SULT4A1: variants seen among roughly 807,000 people sequenced by gnomAD.
SULT4A1 encodes the protein sulfotransferase family 4A member 1, also known as sulfotransferase 4A1.
In SULT4A1, 11 loss-of-function variants were observed where a neutral mutation model predicts 35.2. That is an observed-to-expected ratio of 0.31 (90% CI 0.20 to 0.52). SULT4A1 has a LOEUF of 0.52. Ranked by LOEUF, SULT4A1 falls within the 20% of genes least tolerant of loss-of-function variation. SULT4A1 has a pLI of 0.97. For synonymous variants in SULT4A1, 152 were observed against 151.8 expected (o/e 1.00, Z -0.01); for missense variants, 271 against 383.7 (o/e 0.71, Z 2.45).
In SULT4A1 at chr22:43,826,368, C is replaced by T. The variant is rs999758491; in HGVS notation, c.743-255G>A. ...GCTGTGGCACAGTGAGCCACAACCA[C>T]CTCCTGGTGCCATTCCACACCCCCC... On this transcript the variant is annotated intron_variant, in intron 6 of 6. Coordinates refer to ENST00000330884, the MANE Select transcript of SULT4A1 (RefSeq NM_014351.4). 4 of 985,302 alleles carry T rather than the reference C, an allele frequency of 4.1e-6. No individual in the cohort carries two copies. In the Admixed American group the frequency reaches 1.8e-4, roughly 45 times the overall value. 61.0% of individuals were successfully genotyped at this position (985,302 alleles called of 1,614,324 possible).
intron 1 of SULT4A1, among the ~76,000 whole-genome samples, chr22:43,846,233 G>A (rs569456521): frequency 2.1e-3 from 320 of 152,256 alleles, no homozygotes; most frequent in Admixed American, 4.1e-3. Context: ...TCCTCCCTGC[G>A]CCTGCTCAGA....
chr22:43,839,538 G>A (rs917566961), intron 3 of SULT4A1, among the ~76,000 whole-genome samples: 2 of 152,098 alleles, frequency 1.3e-5, no homozygotes, highest in African/African-American at 4.8e-5. Flanking sequence ...AGGTTGCAGT[G>A]AGCCATGCCA....
At position 43,858,479 on chromosome 22, in the gene SULT4A1, G is replaced by A. The variant is rs148504005; in HGVS notation, c.169+3735C>T. The stretch of plus-strand genomic sequence containing the variant: ...AACAGCCGGAAGACAAAGGGGAAGG[G>A]ATGAGGGAGCAAGAGGAGAAAGATG... On this transcript the variant is annotated intron_variant, in intron 1 of 6. Coordinates refer to ENST00000330884, the MANE Select transcript of SULT4A1 (RefSeq NM_014351.4). 3.8e-3 allele frequency among the ~76,000 whole-genome samples: 577 copies of A among 152,288 alleles called. 9 individuals are homozygous for A. The highest frequency in any genetic ancestry group is 0.013 in the African/African-American group (539 of 41,542).
intron 1 of SULT4A1, among the ~76,000 whole-genome samples, chr22:43,859,700 G>A (rs906080444): frequency 6.6e-6 from 1 of 152,222 alleles, no homozygotes; most frequent in Non-Finnish European, 1.5e-5. Flanking sequence ...CCTACTGTCT[G>A]GATCACGGTT....
Position 43,829,195 on chromosome 22 carries a change from G to C in SULT4A1, c.607C>G (p.Leu203Val). 6.4e-7 allele frequency: 1 copy of C among 1,559,904 alleles called. No individual in the cohort carries two copies. The highest frequency in any genetic ancestry group is 8.7e-7 in the Non-Finnish European group (1 of 1,152,102). ...FLKYEDMHRD[L>V]VTMVEQLARF... ...GCCAGCTGCTCCACCATCGTCACCA[G>C]GTCCTGGAAGACAAGTGCAGAGAGC... is the stretch of plus-strand genomic sequence containing the variant. The change falls in exon 6 of 7, where the codon CTG becomes GTG. Residue 203 changes from leucine to valine, a missense_variant. Physicochemically the swap from Leu to Val is conservative, Grantham distance 32 (BLOSUM62 1). Around this residue, in one of 3 missense-constraint regions of SULT4A1, gnomAD observed 75 missense variants for 67.7 expected, o/e 1.11. Coordinates refer to ENST00000330884, the MANE Select transcript of SULT4A1 (RefSeq NM_014351.4).
At chr22:43,827,717 A>G in intron 6 of SULT4A1, 2 of 1,078,552 alleles carry the variant, frequency 1.9e-6, no homozygotes, top group Non-Finnish European at 2.6e-6. Context: ...CAAGGGAAGG[A>G]GCATATGGGC....
At chr22:43,828,946 T>G in intron 6 of SULT4A1, 114 bp downstream of exon 6, 1 of 1,210,952 alleles carries the variant, frequency 8.3e-7, no homozygotes, top group Non-Finnish European at 1.1e-6. Context: ...CAGACTGCTG[T>G]AAAAGGAGAG....
chr22:43,859,485 C>T (rs1053172696), intron 1 of SULT4A1, among the ~76,000 whole-genome samples: 7 of 152,234 alleles, frequency 4.6e-5, no homozygotes, highest in Non-Finnish European at 7.3e-5. Context: ...TGTGCCCCCT[C>T]GGGGACGAGC....
chr22:43,854,551 C>G (rs2049379973), intron 1 of SULT4A1, among the ~76,000 whole-genome samples: 1 of 152,230 alleles, frequency 6.6e-6, no homozygotes, highest in Non-Finnish European at 1.5e-5. Context: ...ACCTACACCC[C>G]TCAGCTGCCC....
chr22:43,838,220 C>A (rs976883370), intron 4 of SULT4A1, among the ~76,000 whole-genome samples: 1 of 152,256 alleles, frequency 6.6e-6, no homozygotes, highest in Non-Finnish European at 1.5e-5. Flanking sequence ...GAGGCCTGGT[C>A]CCGCCTTCCT....
intron 1 of SULT4A1, among the ~76,000 whole-genome samples, chr22:43,849,795 G>A (rs2063499288): frequency 1.3e-5 from 2 of 152,186 alleles, no homozygotes; most frequent in South Asian, 2.1e-4. Context: ...CTTAACCCTC[G>A]CTGGCAGAAG....
chr22:43,831,965 T>C (rs1431453380), intron 5 of SULT4A1, among the ~76,000 whole-genome samples: 2 of 152,230 alleles, frequency 1.3e-5, no homozygotes, highest in Admixed American at 1.3e-4. Context: ...ACGTAGGTGA[T>C]GCTCACACAG....
intron 1 of SULT4A1, among the ~76,000 whole-genome samples, chr22:43,858,438 C>G (rs1389661729): frequency 6.6e-6 from 1 of 152,074 alleles, no homozygotes; most frequent in Non-Finnish European, 1.5e-5. Flanking sequence ...CCAGGTCAAG[C>G]CTCCTGAGTA....
At chr22:43,835,041 G>A (rs1277625502) in intron 4 of SULT4A1, among the ~76,000 whole-genome samples, 4 of 84,766 alleles carry the variant, frequency 4.7e-5, no homozygotes, top group Admixed American at 1.2e-4. Context: ...CCCCCACCGC[G>A]TCCCTGTGCT....
At chr22:43,852,463 C>T (rs992464775) in intron 1 of SULT4A1, among the ~76,000 whole-genome samples, 2 of 151,928 alleles carry the variant, frequency 1.3e-5, no homozygotes, top group African/African-American at 2.4e-5. Context: ...CAAATGTAAG[C>T]CACCACGCCT....
At chr22:43,827,421 C>T in intron 6 of SULT4A1, 2 of 1,188,572 alleles carry the variant, frequency 1.7e-6, no homozygotes, top group Non-Finnish European at 2.1e-6. Flanking sequence ...ACCTAAGGGG[C>T]AAAATTAGAA....
At chr22:43,861,038 A>G (rs2049461616) in intron 1 of SULT4A1, among the ~76,000 whole-genome samples, 1 of 152,212 alleles carries the variant, frequency 6.6e-6, no homozygotes, top group Admixed American at 6.5e-5. Context: ...GAGTGGCCAC[A>G]GAAGCCAACG....
intron 2 of SULT4A1, 42 bp downstream of exon 2, chr22:43,841,760 C>A: frequency 6.2e-7 from 1 of 1,600,144 alleles, no homozygotes; most frequent in Non-Finnish European, 8.5e-7. Flanking sequence ...GGTAGAAATA[C>A]CCTAAAGAGG....
At chr22:43,854,709 G>A (rs2049382397) in intron 1 of SULT4A1, among the ~76,000 whole-genome samples, 1 of 152,096 alleles carries the variant, frequency 6.6e-6, no homozygotes, top group African/African-American at 2.4e-5. Context: ...GTTGGCACCT[G>A]CCCCCCACAC....
Sources: gnomAD v4.1 joint callset for allele counts (sites outside exome capture counted in the v4.1 genomes callset) on GRCh38, gnomAD v4.1.1 for gene constraint, gnomAD v4.1.1 regional missense constraint, MANE v1.5 for transcripts, NCBI Gene and HGNC (gene_info 2026-07-23, HGNC 2026-07-21) for gene names.